ZNF521: variants seen among roughly 807,000 people sequenced by gnomAD.
The protein encoded by ZNF521 is zinc finger protein 521.
Under a neutral mutation model 105.5 loss-of-function variants are expected in ZNF521, and 14 were observed. The ratio of observed to expected loss-of-function variants is 0.13; its 90% confidence interval spans 0.09 to 0.21. ZNF521 has a LOEUF of 0.21. ZNF521 is among the 10% of genes least tolerant of loss of function. The probability of loss-of-function intolerance (pLI) is 1.00; values close to 1 mark genes in which losing one functional copy is unlikely to be tolerated. For synonymous variants in ZNF521, 635 were observed against 606.0 expected (o/e 1.05, Z -0.70); for missense variants, 1,233 against 1,629.7 (o/e 0.76, Z 4.19).
At chr18:25,242,584 G>T (rs899824550) in intron 3 of ZNF521, among the ~76,000 whole-genome samples, 2 of 152,198 alleles carry the variant, frequency 1.3e-5, no homozygotes, top group African/African-American at 2.4e-5. Context: ...TTACTGGGGA[G>T]AATTCAATTA....
chr18:25,331,795 T>C (rs1795257232), intron 2 of ZNF521, among the ~76,000 whole-genome samples: 4 of 152,172 alleles, frequency 2.6e-5, no homozygotes, highest in Admixed American at 2.6e-4. Flanking sequence ...AATACTCACT[T>C]TCACATTTTG....
At chr18:25,077,522 C>T (rs1186367276) in intron 7 of ZNF521, among the ~76,000 whole-genome samples, 2 of 130,322 alleles carry the variant, frequency 1.5e-5, no homozygotes, top group African/African-American at 7.0e-5. Flanking sequence ...ATGTGCCTTT[C>T]TCCTCTTATG....
chr18:25,137,049 A>G (rs1567977810), intron 5 of ZNF521, among the ~76,000 whole-genome samples: 1 of 152,140 alleles, frequency 6.6e-6, no homozygotes. Context: ...TCGCCACACC[A>G]CAGTCCAGTC....
intron 5 of ZNF521, among the ~76,000 whole-genome samples, chr18:25,117,949 G>C (rs1315297009): frequency 1.3e-5 from 2 of 151,832 alleles, no homozygotes; most frequent in African/African-American, 2.4e-5. Flanking sequence ...TAGTCAAATA[G>C]TTCAAAAGCA....
In ZNF521 at chr18:25,090,681, A is replaced by T. The variant is rs899854949; in HGVS notation, c.3791-1101T>A. Among the ~76,000 whole-genome samples, 4 of 152,318 alleles carry T rather than the reference A, an allele frequency of 2.6e-5. No homozygotes were observed. The South Asian group carries it at 8.3e-4, about 32-fold the overall frequency. ...GAGGTTTTTACATAGATTTGCAGCT[A>T]ATCTGCATATAACTCAGTACATTTT... On this transcript the variant is annotated intron_variant, in intron 6 of 7. Coordinates refer to ENST00000361524, the MANE Select transcript of ZNF521 (RefSeq NM_015461.3).
intron 4 of ZNF521, 25 bp downstream of exon 4, chr18:25,224,320 G>A: frequency 6.3e-7 from 1 of 1,583,386 alleles, no homozygotes; most frequent in South Asian, 1.1e-5. Flanking sequence ...AGGTTAAATA[G>A]CAAACATTAA....
chr18:25,345,980 A>ATC (rs530533096), intron 2 of ZNF521, among the ~76,000 whole-genome samples: 1 of 152,154 alleles, frequency 6.6e-6, no homozygotes, highest in South Asian at 2.1e-4. Context: ...ATGAAAAAAA[A>ATC]TCTCTCTCTC....
chr18:25,280,214 G>A (rs1391192518), intron 3 of ZNF521, among the ~76,000 whole-genome samples: 1 of 152,174 alleles, frequency 6.6e-6, no homozygotes, highest in Non-Finnish European at 1.5e-5. Flanking sequence ...GAAAATAATA[G>A]AAGAAAATGC....
chr18:25,346,467 G>C lies in ZNF521; in HGVS notation c.40+4440C>G, dbSNP rs538529930. Among the ~76,000 whole-genome samples the C allele has an allele frequency of 5.9e-5, 9 of 152,204 alleles. No homozygotes were observed. In the East Asian group the frequency reaches 1.5e-3, roughly 26 times the overall value. On this transcript the variant is annotated intron_variant, in intron 2 of 7. Transcript: ENST00000361524. Reference sequence around the variant, plus strand: ...TACAATTTTTAGAGCTTTTCCACTAGAGAATACAGCCTAATACACAGGTTT... The same window carrying C: ...TACAATTTTTAGAGCTTTTCCACTACAGAATACAGCCTAATACACAGGTTT...
chr18:25,136,377 C>T (rs2034734356), intron 5 of ZNF521, among the ~76,000 whole-genome samples: 1 of 152,098 alleles, frequency 6.6e-6, no homozygotes, highest in South Asian at 2.1e-4. Context: ...GTCAGAAAGG[C>T]TAAGTATTAA....
intron 5 of ZNF521, among the ~76,000 whole-genome samples, chr18:25,115,523 G>C (rs377417614): frequency 2.0e-5 from 3 of 151,942 alleles, no homozygotes; most frequent in African/African-American, 4.8e-5. Context: ...ATGAATCATG[G>C]GCTTTTCTGT....
At chr18:25,346,341 C>T (rs144571292) in intron 2 of ZNF521, among the ~76,000 whole-genome samples, 1 of 151,562 alleles carries the variant, frequency 6.6e-6, no homozygotes, top group African/African-American at 2.4e-5. Flanking sequence ...TGACTTTGAA[C>T]ATAAGAGAAA....
intron 5 of ZNF521, among the ~76,000 whole-genome samples, chr18:25,120,801 C>G (rs1000510414): frequency 1.3e-5 from 2 of 152,172 alleles, no homozygotes; most frequent in African/African-American, 4.8e-5. Context: ...AAAAACTGAT[C>G]TGTGAACAAA....
intron 7 of ZNF521, among the ~76,000 whole-genome samples, chr18:25,086,020 G>GT (rs2033615722): frequency 6.6e-6 from 1 of 151,956 alleles, no homozygotes; most frequent in African/African-American, 2.4e-5. Context: ...TAGACATTTA[G>GT]TTTTATAGTC....
chr18:25,195,711 C>G (rs184698877), intron 4 of ZNF521, among the ~76,000 whole-genome samples: 1 of 151,732 alleles, frequency 6.6e-6, no homozygotes, highest in Non-Finnish European at 1.5e-5. Context: ...TGGATGCTAG[C>G]TAAAATATTT....
intron 5 of ZNF521, among the ~76,000 whole-genome samples, chr18:25,150,562 A>T (rs1375882797): frequency 6.6e-6 from 1 of 152,190 alleles, no homozygotes; most frequent in Non-Finnish European, 1.5e-5. Context: ...TCTTGGAGAA[A>T]AACCAAGAGA....
chr18:25,083,573 C>T (rs1001214783), intron 7 of ZNF521, among the ~76,000 whole-genome samples: 1 of 152,134 alleles, frequency 6.6e-6, no homozygotes, highest in African/African-American at 2.4e-5. Flanking sequence ...AGAAGAAACA[C>T]CTTTTCTGGG....
chr18:25,174,428 A>C (rs188018720), intron 5 of ZNF521, among the ~76,000 whole-genome samples: 406 of 152,248 alleles, frequency 2.7e-3, no homozygotes, highest in Non-Finnish European at 3.8e-3. Flanking sequence ...ATTAGTCTCT[A>C]CTCATAAGGG....
intron 3 of ZNF521, among the ~76,000 whole-genome samples, chr18:25,297,717 G>A (rs1410774891): frequency 6.6e-6 from 1 of 152,112 alleles, no homozygotes; most frequent in Non-Finnish European, 1.5e-5. Context: ...TTTAGGGAAA[G>A]TGCAAATAGA....
Sources: gnomAD v4.1 joint callset for allele counts (sites outside exome capture counted in the v4.1 genomes callset) on GRCh38, gnomAD v4.1.1 for gene constraint, MANE v1.5 for transcripts, NCBI Gene and HGNC (gene_info 2026-07-23, HGNC 2026-07-21) for gene names.